Variants in LRP1B observed in about 807,000 individuals in gnomAD.
LRP1B encodes the protein LDL receptor related protein 1B, also known as low-density lipoprotein receptor-related protein 1B.
LRP1B carries 217 observed loss-of-function variants against 556.6 expected under a neutral mutation model. The ratio of observed to expected loss-of-function variants is 0.39; its 90% CI spans 0.35 to 0.44. The LOEUF (loss-of-function observed/expected upper bound fraction) is 0.44, where lower values mean the gene tolerates loss of function less well. Among genes scored for constraint, LRP1B ranks in the 20% least tolerant of loss-of-function variants. The pLI is 1.00. For synonymous variants in LRP1B, 2,047 were observed against 1,865.8 expected, an observed-to-expected ratio of 1.10 and a Z score of -2.50; for missense variants, 5,053 against 5,620.8, an observed-to-expected ratio of 0.90 and a Z score of 3.23.
chr2:141,312,370 TTATC>T (rs1686845079), intron 3 of LRP1B, among the ~76,000 whole-genome samples: 1 of 152,206 alleles, frequency 6.6e-6, no homozygotes, highest in African/African-American at 2.4e-5. Flanking sequence ...AACATTTTCT[TTATC>T]TTACTTTATT....
chr2:140,296,662 G>A (rs535273242), intron 84 of LRP1B, among the ~76,000 whole-genome samples: 1 of 152,282 alleles, frequency 6.6e-6, no homozygotes, highest in African/African-American at 2.4e-5. Context: ...CAGGCTAGAG[G>A]AATGAAAATC....
chr2:140,459,460 T>A (rs1391703239), intron 60 of LRP1B, among the ~76,000 whole-genome samples: 3 of 152,106 alleles, frequency 2.0e-5, no homozygotes, highest in Non-Finnish European at 2.9e-5. Flanking sequence ...AAAAAGTTAA[T>A]CATCATTTTT....
chr2:140,858,921 T>C (rs1002568914), intron 27 of LRP1B, among the ~76,000 whole-genome samples: 1 of 152,220 alleles, frequency 6.6e-6, no homozygotes, highest in African/African-American at 2.4e-5. Flanking sequence ...ATCTCATTCC[T>C]TTTTATGGCT....
chr2:141,890,611 C>T (rs1439685700), intron 1 of LRP1B, among the ~76,000 whole-genome samples: 1 of 151,784 alleles, frequency 6.6e-6, no homozygotes, highest in Non-Finnish European at 1.5e-5. Flanking sequence ...TGAATATACA[C>T]ATAAGAACAC....
At chr2:140,678,794 G>A (rs960666346) in intron 41 of LRP1B, among the ~76,000 whole-genome samples, 1 of 150,490 alleles carries the variant, frequency 6.6e-6, no homozygotes, top group East Asian at 1.9e-4. Flanking sequence ...TTTGGTTGGG[G>A]GGGAATGGAG....
At chr2:140,518,127 A>T (rs1689997467) in intron 49 of LRP1B, among the ~76,000 whole-genome samples, 1 of 152,166 alleles carries the variant, frequency 6.6e-6, no homozygotes, top group African/African-American at 2.4e-5. Context: ...TCCCAATCAC[A>T]CTATAATGGT....
intron 41 of LRP1B, among the ~76,000 whole-genome samples, chr2:140,613,030 ACCTTT>A: frequency 6.7e-6 from 1 of 148,512 alleles, no homozygotes; most frequent in East Asian, 2.0e-4. Context: ...TCTTTTTCTT[ACCTTT>A]CATGATTACA....
At chr2:140,667,530 T>A (rs1685321324) in intron 41 of LRP1B, among the ~76,000 whole-genome samples, 1 of 152,336 alleles carries the variant, frequency 6.6e-6, no homozygotes, top group East Asian at 1.9e-4. Context: ...CTCCTTCAAA[T>A]AATTTTTCTG....
chr2:141,050,338 A>T (rs1296449925), intron 10 of LRP1B, among the ~76,000 whole-genome samples: 1 of 151,860 alleles, frequency 6.6e-6, no homozygotes, highest in Non-Finnish European at 1.5e-5. Context: ...TAATTTTTTT[A>T]AAAATTTTAC....
intron 1 of LRP1B, among the ~76,000 whole-genome samples, chr2:142,081,409 A>G (rs1705709917): frequency 6.6e-6 from 1 of 152,164 alleles, no homozygotes; most frequent in African/African-American, 2.4e-5. Context: ...TGTGATCACA[A>G]CATACCTTGT....
chr2:141,114,075 C>A (rs987548306), intron 7 of LRP1B, among the ~76,000 whole-genome samples: 1 of 152,228 alleles, frequency 6.6e-6, no homozygotes, highest in African/African-American at 2.4e-5. Context: ...AATTCACTGA[C>A]CCCCTCACAG....
chr2:141,812,556 T>A (rs1364421267), intron 1 of LRP1B, among the ~76,000 whole-genome samples: 4 of 152,048 alleles, frequency 2.6e-5, no homozygotes, highest in African/African-American at 9.7e-5. Flanking sequence ...GTTGAAAATA[T>A]AAAGGAGTAA....
chr2:140,709,785 T>C (rs1686968786), intron 37 of LRP1B, among the ~76,000 whole-genome samples: 2 of 152,090 alleles, frequency 1.3e-5, no homozygotes, highest in African/African-American at 4.8e-5. Flanking sequence ...TGATATAAAT[T>C]TTGACACTTA....
chr2:140,689,029 C>A (rs1483688139), intron 41 of LRP1B, among the ~76,000 whole-genome samples: 1 of 152,166 alleles, frequency 6.6e-6, no homozygotes, highest in Non-Finnish European at 1.5e-5. Context: ...TAATTGATAT[C>A]ATCTAATCTT....
At chr2:141,468,987 G>A (rs1468677634) in intron 3 of LRP1B, among the ~76,000 whole-genome samples, 1 of 152,046 alleles carries the variant, frequency 6.6e-6, no homozygotes, top group Non-Finnish European at 1.5e-5. Flanking sequence ...GTGGGTTGTT[G>A]GACCGGTTCT....
intron 7 of LRP1B, 61 bp from the exon 8 acceptor site, chr2:141,062,334 GC>G: frequency 9.0e-7 from 1 of 1,115,298 alleles, no homozygotes; most frequent in Non-Finnish European, 1.3e-6. Flanking sequence ...GTTTGATGGA[GC>G]CATCTGTAAA....
intron 1 of LRP1B, among the ~76,000 whole-genome samples, chr2:142,034,168 G>T (rs2105202519): frequency 6.6e-6 from 1 of 151,686 alleles, no homozygotes; most frequent in South Asian, 2.1e-4. Context: ...CCTAATTGTT[G>T]CTTATCTAAT....
chr2:141,471,080 T>C (rs1682444618), intron 3 of LRP1B, among the ~76,000 whole-genome samples: 1 of 152,074 alleles, frequency 6.6e-6, no homozygotes, highest in African/African-American at 2.4e-5. Flanking sequence ...CATTCTGGAG[T>C]TGATCAATGT....
intron 2 of LRP1B, among the ~76,000 whole-genome samples, chr2:141,758,992 T>C (rs1312992334): frequency 6.6e-6 from 1 of 152,114 alleles, no homozygotes; most frequent in African/African-American, 2.4e-5. Context: ...AGCCAAATCA[T>C]GATTTTTAAA....
Sources: allele counts gnomAD v4.1 joint callset (sites outside exome capture counted in the v4.1 genomes callset), GRCh38; gene constraint gnomAD v4.1.1; transcripts MANE v1.5; gene names NCBI Gene and HGNC (gene_info 2026-07-23, HGNC 2026-07-21).